COMMD1: variants seen among roughly 807,000 people sequenced by gnomAD.
COMMD1 encodes the protein copper metabolism domain containing 1.
A neutral mutation model predicts 17.2 loss-of-function variants in COMMD1; 10 were observed. That is an observed-to-expected ratio of 0.58 (90% CI 0.36 to 0.99). COMMD1 has a LOEUF of 0.99. Ranked by LOEUF, COMMD1 falls within the 50% of genes least tolerant of loss-of-function variation. The probability of loss-of-function intolerance (pLI) is 0.01; values close to 1 mark genes in which losing one functional copy is unlikely to be tolerated. For synonymous variants in COMMD1, 97 were observed against 91.6 expected (o/e 1.06, Z -0.34); for missense variants, 270 against 231.8 (o/e 1.17, Z -1.07).
intron 2 of COMMD1, among the ~76,000 whole-genome samples, chr2:62,061,480 A>C (rs1332750739): frequency 6.6e-6 from 1 of 151,194 alleles, no homozygotes; most frequent in Non-Finnish European, 1.5e-5. Context: ...TTCAGAGTTT[A>C]CTTGTCAGCC....
chr2:61,948,469 A>G (rs1046791434), intron 1 of COMMD1, among the ~76,000 whole-genome samples: 5 of 152,208 alleles, frequency 3.3e-5, no homozygotes, highest in Non-Finnish European at 1.5e-5. Flanking sequence ...ATTGGGTAAT[A>G]CCATCTGGAG....
intron 1 of COMMD1, among the ~76,000 whole-genome samples, chr2:61,909,661 T>C (rs1363604290): frequency 6.6e-6 from 1 of 152,240 alleles, no homozygotes; most frequent in Non-Finnish European, 1.5e-5. Context: ...AAGCAGGATG[T>C]ACATTTTTCA....
At chr2:61,950,440 T>C (rs949252262) in intron 1 of COMMD1, among the ~76,000 whole-genome samples, 8 of 152,210 alleles carry the variant, frequency 5.3e-5, no homozygotes, top group African/African-American at 1.7e-4. Context: ...ATTCACTCAA[T>C]AGTCAGAGAT....
chr2:62,118,078 C>T (rs1246148971), intron 2 of COMMD1, among the ~76,000 whole-genome samples: 1 of 152,178 alleles, frequency 6.6e-6, no homozygotes, highest in Non-Finnish European at 1.5e-5. Context: ...GTCTTACTTT[C>T]TTTTCCTCCC....
In COMMD1 at chr2:62,134,186, A is replaced by G. The variant is rs1017248718; in HGVS notation, c.463-1645A>G. On this transcript the variant is annotated intron_variant, in intron 2 of 2. Transcript: ENST00000311832. Reference sequence around the variant, plus strand: ...TTATTTTTCCATCTGTTGAGTCTCAATTGCCTTCAGCACAAAGTAACCTAT... The same window carrying G: ...TTATTTTTCCATCTGTTGAGTCTCAGTTGCCTTCAGCACAAAGTAACCTAT... 9.2e-5 allele frequency among the ~76,000 whole-genome samples: 14 copies of G among 152,230 alleles called. No homozygotes were observed. The South Asian group carries it at 1.0e-3, about 11-fold the overall frequency.
chr2:62,066,984 C>T (rs928493912), intron 2 of COMMD1, among the ~76,000 whole-genome samples: 1 of 152,086 alleles, frequency 6.6e-6, no homozygotes, highest in African/African-American at 2.4e-5. Flanking sequence ...CCTTGGCCTC[C>T]CAAAATGCTG....
intron 2 of COMMD1, among the ~76,000 whole-genome samples, chr2:62,041,074 C>G (rs186831286): frequency 2.6e-5 from 4 of 152,170 alleles, no homozygotes; most frequent in Admixed American, 6.5e-5. Flanking sequence ...CAGAACATTA[C>G]GAGGATCTTA....
intron 2 of COMMD1, among the ~76,000 whole-genome samples, chr2:62,029,305 T>C (rs563602437): frequency 6.6e-6 from 1 of 152,190 alleles, no homozygotes; most frequent in Non-Finnish European, 1.5e-5. Flanking sequence ...TTCACAAATT[T>C]AGATAAATCT....
intron 1 of COMMD1, among the ~76,000 whole-genome samples, chr2:61,983,848 T>G (rs1672025334): frequency 6.6e-6 from 1 of 152,212 alleles, no homozygotes; most frequent in African/African-American, 2.4e-5. Flanking sequence ...GCTCTGATCT[T>G]TATTATTTCT....
At chr2:62,009,706 CTTA>C (rs1298556208) in intron 2 of COMMD1, among the ~76,000 whole-genome samples, 7 of 151,266 alleles carry the variant, frequency 4.6e-5, no homozygotes, top group South Asian at 2.1e-4. Flanking sequence ...AAATCTAAAA[CTTA>C]TTATTGAAAT....
intron 1 of COMMD1, among the ~76,000 whole-genome samples, chr2:61,912,862 A>C (rs557364784): frequency 6.6e-6 from 1 of 152,330 alleles, no homozygotes; most frequent in East Asian, 1.9e-4. Flanking sequence ...GTGACCTTCA[A>C]AGCCAAAAAT....
chr2:62,135,980 G>A lies in COMMD1; in HGVS notation c.*39G>A. 2 of 1,061,226 alleles carry A rather than the reference G, an allele frequency of 1.9e-6. No homozygotes were observed. Among genetic ancestry groups the A allele is most frequent in the Non-Finnish European group, 3.0e-6 (2 of 675,876 alleles). 65.7% of individuals were successfully genotyped at this position (1,061,226 alleles called of 1,614,324 possible). A position where few individuals can be genotyped will look rare whatever the true frequency, so the allele number is the denominator to read the frequency against. On this transcript the variant is annotated 3_prime_UTR_variant, in exon 3 of 3. Transcript: ENST00000311832. ...AGGAGTTGGAGTTGTTGAAACCAAG[G>A]TGTCCATGATCCCTCCCCACTGACC... is the stretch of plus-strand genomic sequence containing the variant.
chr2:61,947,642 C>T (rs1458322283), intron 1 of COMMD1, among the ~76,000 whole-genome samples: 1 of 151,886 alleles, frequency 6.6e-6, no homozygotes, highest in African/African-American at 2.4e-5. Context: ...AAGATCGCGC[C>T]ACTGCACTCC....
intron 2 of COMMD1, among the ~76,000 whole-genome samples, chr2:62,129,441 G>T (rs1174344518): frequency 6.6e-6 from 1 of 152,188 alleles, no homozygotes; most frequent in Non-Finnish European, 1.5e-5. Context: ...ATTGGGGCCA[G>T]TGGTTCCTTA....
At chr2:61,966,060 A>C (rs1671497154) in intron 1 of COMMD1, among the ~76,000 whole-genome samples, 2 of 152,190 alleles carry the variant, frequency 1.3e-5, no homozygotes, top group African/African-American at 4.8e-5. Flanking sequence ...CAATTGCTTG[A>C]GACTGTTTTG....
At chr2:62,128,238 G>T (rs1672935659) in intron 2 of COMMD1, among the ~76,000 whole-genome samples, 1 of 151,608 alleles carries the variant, frequency 6.6e-6, no homozygotes, top group Non-Finnish European at 1.5e-5. Context: ...TAAGGCATGA[G>T]AATTGCTTGA....
At chr2:62,045,739 T>C (rs1194406096) in intron 2 of COMMD1, among the ~76,000 whole-genome samples, 1 of 137,214 alleles carries the variant, frequency 7.3e-6, no homozygotes, top group East Asian at 2.0e-4. Context: ...AATTTTTTTT[T>C]TTTTTTTTTT....
At chr2:61,889,168 G>A (rs113326664) in intron 1 of COMMD1, among the ~76,000 whole-genome samples, 24,873 of 137,824 alleles carry the variant, frequency 0.18, 2,574 homozygotes, top group Middle Eastern at 0.31. Flanking sequence ...CTCCCAAAGT[G>A]TTGGGATTAC....
chr2:61,960,978 G>A (rs1044213877), intron 1 of COMMD1, among the ~76,000 whole-genome samples: 2 of 152,214 alleles, frequency 1.3e-5, no homozygotes, highest in Non-Finnish European at 2.9e-5. Context: ...CTCGCACCAG[G>A]TGTGTCCTGG....
Sources: allele counts gnomAD v4.1 joint callset (sites outside exome capture counted in the v4.1 genomes callset), GRCh38; gene constraint gnomAD v4.1.1; transcripts MANE v1.5; gene names NCBI Gene and HGNC (gene_info 2026-07-23, HGNC 2026-07-21).